The following HECW2 variants were observed in gnomAD, a reference collection of about 807,000 sequenced individuals.
The protein encoded by HECW2 is E3 ubiquitin-protein ligase HECW2.
A neutral mutation model predicts 175.2 loss-of-function variants in HECW2; 61 were observed. The observed-to-expected ratio is 0.35, with a 90% CI of 0.28 to 0.43. The LOEUF is 0.43. HECW2 is among the 20% of genes least tolerant of loss of function. The probability of loss-of-function intolerance (pLI) is 1.00; values close to 1 mark genes in which losing one functional copy is unlikely to be tolerated. For synonymous variants in HECW2, 671 were observed against 731.0 expected (o/e 0.92, Z 1.32); for missense variants, 1,524 against 2,000.5 (o/e 0.76, Z 4.54).
At chr2:196,547,483 T>C (rs1575660456) in intron 1 of HECW2, among the ~76,000 whole-genome samples, 1 of 152,218 alleles carries the variant, frequency 6.6e-6, no homozygotes, top group African/African-American at 2.4e-5. Flanking sequence ...ACAAAATAGG[T>C]TGTAGGTGTA....
At chr2:196,307,019 C>A in intron 12 of HECW2, 111 bp downstream of exon 12, 2 of 681,048 alleles carry the variant, frequency 2.9e-6, no homozygotes, top group South Asian at 2.0e-5. Context: ...ATTACCAGAT[C>A]TTATTGAAGA....
chr2:196,561,031 G>A (rs1689983918), intron 1 of HECW2, among the ~76,000 whole-genome samples: 1 of 152,178 alleles, frequency 6.6e-6, no homozygotes, highest in Non-Finnish European at 1.5e-5. Flanking sequence ...GGGAACAAGG[G>A]AGATAACCAT....
intron 2 of HECW2, among the ~76,000 whole-genome samples, chr2:196,353,525 A>C (rs2105860072): frequency 6.6e-6 from 1 of 152,332 alleles, no homozygotes; most frequent in South Asian, 2.1e-4. Flanking sequence ...CCTGACACAT[A>C]GTAGGTGCTA....
rs1575584389 is a variant in HECW2, at chr2:196,471,267, T to C, written c.-35-37809A>G. ...AATGCAAATCAAAACTACAGTGAGA[T>C]ACCATCTCATACCAGTCAGAATGGC... is the stretch of plus-strand genomic sequence containing the variant. On this transcript the variant is annotated intron_variant, in intron 1 of 28. Coordinates refer to ENST00000644978, the MANE Select transcript of HECW2 (RefSeq NM_001348768.2). Among the ~76,000 whole-genome samples the C allele has an allele frequency of 2.6e-5, 4 of 152,310 alleles. No individual in the cohort carries two copies. The South Asian group carries it at 8.3e-4, about 32-fold the overall frequency.
At chr2:196,451,079 T>C (rs1696331258) in intron 1 of HECW2, among the ~76,000 whole-genome samples, 1 of 152,172 alleles carries the variant, frequency 6.6e-6, no homozygotes, top group East Asian at 1.9e-4. Context: ...TAAAAGGAAT[T>C]GAAACACTGC....
At chr2:196,559,327 C>G (rs1193837841) in intron 1 of HECW2, among the ~76,000 whole-genome samples, 1 of 152,178 alleles carries the variant, frequency 6.6e-6, no homozygotes, top group Non-Finnish European at 1.5e-5. Flanking sequence ...GACATGTCCA[C>G]CCTTCAGAAA....
intron 1 of HECW2, among the ~76,000 whole-genome samples, chr2:196,535,443 G>A (rs1029998189): frequency 2.0e-5 from 3 of 152,214 alleles, no homozygotes; most frequent in African/African-American, 7.2e-5. Flanking sequence ...AGAGTGGTGA[G>A]TTTGGTATAA....
At chr2:196,270,392 G>A (rs1466824849) in intron 17 of HECW2, among the ~76,000 whole-genome samples, 2 of 152,176 alleles carry the variant, frequency 1.3e-5, no homozygotes. Context: ...CTTGAGAAAT[G>A]ATGTTTTGAA....
intron 1 of HECW2, among the ~76,000 whole-genome samples, chr2:196,456,541 A>G (rs950612013): frequency 2.0e-5 from 3 of 152,192 alleles, no homozygotes; most frequent in African/African-American, 7.2e-5. Context: ...GGGAAGCTTC[A>G]CTGCAAACAT....
intron 1 of HECW2, among the ~76,000 whole-genome samples, chr2:196,443,865 T>A (rs961716650): frequency 3.2e-4 from 49 of 152,028 alleles, no homozygotes; most frequent in African/African-American, 1.1e-3. Flanking sequence ...CAAAACCCCA[T>A]CTCTACAAAA....
chr2:196,201,381 T>C lies in HECW2; in HGVS notation c.4615A>G (p.Thr1539Ala). 6.2e-7 allele frequency: 1 copy of C among 1,611,116 alleles called. No individual in the cohort carries two copies. Among genetic ancestry groups the C allele is most frequent in the Non-Finnish European group, 8.5e-7 (1 of 1,177,322 alleles). ...GGCAGATCCAGACGGTTAAAACATG[T>C]ATGCGCTCTGAAAACACAAGAAACA... ...GKITALPRAH[T>A]CFNRLDLPPY... is the part of the protein sequence containing the mutation. The change falls in exon 29 of 29, where the codon ACA becomes GCA. Residue 1539 changes from threonine (T) to alanine (A), a missense_variant. Coordinates refer to ENST00000644978, the MANE Select transcript of HECW2 (RefSeq NM_001348768.2).
chr2:196,513,757 G>C (rs1488153367), intron 1 of HECW2, among the ~76,000 whole-genome samples: 1 of 152,182 alleles, frequency 6.6e-6, no homozygotes, highest in East Asian at 1.9e-4. Context: ...CGGATAAAAG[G>C]GATCATCCAC....
intron 1 of HECW2, among the ~76,000 whole-genome samples, chr2:196,493,986 A>G (rs1687293874): frequency 6.6e-6 from 1 of 152,258 alleles, no homozygotes; most frequent in Non-Finnish European, 1.5e-5. Flanking sequence ...AAATTGCGCT[A>G]GAAACAAAAA....
intron 13 of HECW2, among the ~76,000 whole-genome samples, chr2:196,303,063 C>T (rs1367758811): frequency 6.6e-6 from 1 of 152,136 alleles, no homozygotes; most frequent in Non-Finnish European, 1.5e-5. Flanking sequence ...CCATATATGG[C>T]TCTTATTACT....
At chr2:196,415,772 T>A (rs1055663057) in intron 2 of HECW2, among the ~76,000 whole-genome samples, 1 of 152,152 alleles carries the variant, frequency 6.6e-6, no homozygotes, top group Non-Finnish European at 1.5e-5. Context: ...AACAAGTTTC[T>A]GTAAAAATGA....
At chr2:196,586,370 A>G (rs998905748) in intron 1 of HECW2, 3 of 152,184 alleles carry the variant, frequency 2.0e-5, no homozygotes, top group African/African-American at 7.2e-5. Flanking sequence ...TCATAAGGAA[A>G]TGTTTTTCTT....
At chr2:196,494,771 A>C (rs1036301974) in intron 1 of HECW2, among the ~76,000 whole-genome samples, 3 of 152,222 alleles carry the variant, frequency 2.0e-5, no homozygotes, top group African/African-American at 7.2e-5. Flanking sequence ...TTCAGGCTTA[A>C]TCACTTGACA....
intron 1 of HECW2, among the ~76,000 whole-genome samples, chr2:196,433,842 A>T (rs188330320): frequency 5.6e-4 from 86 of 152,326 alleles, no homozygotes; most frequent in African/African-American, 2.0e-3. Flanking sequence ...GCTGCAATGA[A>T]ATTTTAAAAT....
chr2:196,206,080 A>G (rs1252947576), intron 28 of HECW2, among the ~76,000 whole-genome samples: 1 of 152,206 alleles, frequency 6.6e-6, no homozygotes, highest in Non-Finnish European at 1.5e-5. Flanking sequence ...TGTCCTAAGA[A>G]AACTTTAGCA....
Sources: gnomAD v4.1 joint callset for allele counts (sites outside exome capture counted in the v4.1 genomes callset) on GRCh38, gnomAD v4.1.1 for gene constraint, MANE v1.5 for transcripts, NCBI Gene and HGNC (gene_info 2026-07-23, HGNC 2026-07-21) for gene names.